The following ALK variants were observed in gnomAD, a reference collection of about 807,000 sequenced individuals.
The protein encoded by ALK is ALK tyrosine kinase receptor.
A neutral mutation model predicts 163.1 loss-of-function variants in ALK; 74 were observed. The ratio of observed to expected loss-of-function variants is 0.45; its 90% CI spans 0.38 to 0.55. The LOEUF is 0.55. Ranked by LOEUF, ALK falls within the 20% of genes least tolerant of loss-of-function variation. ALK has a pLI of 0.00. For synonymous variants in ALK, 960 were observed against 843.2 expected (o/e 1.14, Z -2.40); for missense variants, 2,063 against 2,105.3 (o/e 0.98, Z 0.39).
intron 3 of ALK, among the ~76,000 whole-genome samples, chr2:29,616,745 G>A (rs1675859593): frequency 6.6e-6 from 1 of 152,064 alleles, no homozygotes; most frequent in Non-Finnish European, 1.5e-5. Flanking sequence ...CAGAGGACTG[G>A]CCTTATAAAC....
chr2:29,677,925 T>C (rs558480463), intron 3 of ALK, among the ~76,000 whole-genome samples: 3 of 152,210 alleles, frequency 2.0e-5, no homozygotes, highest in South Asian at 2.1e-4. Context: ...GACTTTTCTT[T>C]TGGGGTAGAT....
chr2:29,805,326 A>G (rs1664580019), intron 1 of ALK, among the ~76,000 whole-genome samples: 1 of 152,170 alleles, frequency 6.6e-6, no homozygotes, highest in African/African-American at 2.4e-5. Context: ...GTTCTTGGAT[A>G]CATGTGCAGG....
At chr2:29,405,957 G>T (rs189493861) in intron 4 of ALK, among the ~76,000 whole-genome samples, 1 of 151,970 alleles carries the variant, frequency 6.6e-6, no homozygotes, top group East Asian at 1.9e-4. Context: ...TTCCTCTTTC[G>T]GTTTCTGAGT....
intron 4 of ALK, among the ~76,000 whole-genome samples, chr2:29,459,342 A>G (rs1385132668): frequency 6.6e-6 from 1 of 152,154 alleles, no homozygotes. Context: ...TCTAAACTTC[A>G]GGCAGGAATA....
intron 1 of ALK, among the ~76,000 whole-genome samples, chr2:29,896,067 G>A (rs1242336115): frequency 2.0e-5 from 3 of 152,200 alleles, no homozygotes; most frequent in Admixed American, 6.5e-5. Flanking sequence ...GTATGGTAGT[G>A]TGGGTGCAGG....
At chr2:29,633,517 G>T (rs1676440210) in intron 3 of ALK, among the ~76,000 whole-genome samples, 1 of 151,352 alleles carries the variant, frequency 6.6e-6, no homozygotes, top group East Asian at 2.0e-4. Context: ...CAAAAAACTA[G>T]AAAAAGAAGA....
rs1667955036 is a variant in ALK, at chr2:29,920,265, A to C, written c.395T>G (p.Val132Gly). 1 of 1,599,014 alleles carries C rather than the reference A, an allele frequency of 6.3e-7. No homozygotes were observed. The highest frequency in any genetic ancestry group is 2.3e-5 in the East Asian group (1 of 44,222). ...TLSRVLKGGS[V>G]RKLRRAKQLV... ...CTGCTTGGCACGCCGGAGCTTGCGC[A>C]CGGAGCCGCCCTTCAGCACCCTGGA... is the stretch of plus-strand genomic sequence containing the variant. Residue 132 changes from valine to glycine, a missense_variant, in exon 1 of 29, where the codon GTG becomes GGG. Physicochemically the swap from Val to Gly is moderately radical, Grantham distance 109 (BLOSUM62 -3). Around this residue, in one of 5 missense-constraint regions of ALK, gnomAD observed 987 missense variants for 939.5 expected, o/e 1.05. Transcript: ENST00000389048.
chr2:29,369,115 C>T (rs1037872799), intron 5 of ALK, among the ~76,000 whole-genome samples: 3 of 152,172 alleles, frequency 2.0e-5, no homozygotes, highest in African/African-American at 7.2e-5. Context: ...TTGACACTCA[C>T]AGGAAAATGC....
At chr2:29,652,986 A>C (rs1677077387) in intron 3 of ALK, among the ~76,000 whole-genome samples, 1 of 152,182 alleles carries the variant, frequency 6.6e-6, no homozygotes, top group Admixed American at 6.5e-5. Context: ...CCCCAACTTG[A>C]AGCTGGTCAG....
intron 1 of ALK, among the ~76,000 whole-genome samples, chr2:29,806,806 T>A (rs908240864): frequency 6.6e-6 from 1 of 152,058 alleles, no homozygotes; most frequent in Non-Finnish European, 1.5e-5. Context: ...CATTTCTGGG[T>A]GGCAAAGACA....
intron 3 of ALK, among the ~76,000 whole-genome samples, chr2:29,578,743 T>G (rs905467346): frequency 3.3e-5 from 5 of 152,196 alleles, no homozygotes; most frequent in Non-Finnish European, 7.3e-5. Flanking sequence ...CAGAGATGGT[T>G]GATTTCATGT....
intron 3 of ALK, among the ~76,000 whole-genome samples, chr2:29,598,370 T>TTTGC (rs1158239275): frequency 7.0e-6 from 1 of 143,468 alleles, no homozygotes; most frequent in Non-Finnish European, 1.5e-5. Flanking sequence ...TTGTTTTTTG[T>TTTGC]TTGTTTGTTT....
At chr2:29,498,059 A>C (rs1441975323) in intron 4 of ALK, among the ~76,000 whole-genome samples, 2 of 152,120 alleles carry the variant, frequency 1.3e-5, no homozygotes, top group Non-Finnish European at 2.9e-5. Context: ...CCCCACTCTC[A>C]TTTGGCCAAA....
At chr2:29,617,405 T>C (rs1055367135) in intron 3 of ALK, among the ~76,000 whole-genome samples, 1 of 152,220 alleles carries the variant, frequency 6.6e-6, no homozygotes, top group Non-Finnish European at 1.5e-5. Flanking sequence ...TCTGATCATC[T>C]GTAGGCCCTC....
chr2:29,920,764 C>T lies in ALK; in HGVS notation c.-105G>A. The T allele has an allele frequency of 9.7e-7, 1 of 1,032,700 alleles. No homozygotes were observed. Among genetic ancestry groups the T allele is most frequent in the Non-Finnish European group, 1.4e-6 (1 of 706,484 alleles). The allele number at this position is 1,032,700 out of a possible 1,614,324, so 64.0% of individuals were successfully genotyped here. On this transcript the variant is annotated 5_prime_UTR_variant, in exon 1 of 29. Coordinates refer to ENST00000389048, the MANE Select transcript of ALK (RefSeq NM_004304.5). ...AACAGTCCTTGGTACCCAGCGGCTC[C>T]TTCCACCTGATCTCCAGAGGACTGT...
intron 22 of ALK, chr2:29,221,341 A>G: frequency 1.8e-5 from 8 of 447,066 alleles, no homozygotes; most frequent in South Asian, 1.5e-4. Flanking sequence ...GGAGGGACCA[A>G]GACTTGGGTT....
At chr2:29,732,971 C>T (rs1433789838) in intron 1 of ALK, among the ~76,000 whole-genome samples, 1 of 151,630 alleles carries the variant, frequency 6.6e-6, no homozygotes, top group East Asian at 1.9e-4. Flanking sequence ...GAGTTTCTGA[C>T]CTTCATGAAT....
At chr2:29,586,348 A>G (rs1036335109) in intron 3 of ALK, among the ~76,000 whole-genome samples, 2 of 151,824 alleles carry the variant, frequency 1.3e-5, no homozygotes, top group African/African-American at 4.8e-5. Context: ...AAGTTTTTTA[A>G]CTATAGGATT....
intron 1 of ALK, among the ~76,000 whole-genome samples, chr2:29,874,161 C>T (rs1666645624): frequency 6.6e-6 from 1 of 152,154 alleles, no homozygotes; most frequent in African/African-American, 2.4e-5. Context: ...TACAGAAGCA[C>T]TTGTTGGTAT....
Sources: gnomAD v4.1 joint callset for allele counts (sites outside exome capture counted in the v4.1 genomes callset) on GRCh38, gnomAD v4.1.1 for gene constraint, gnomAD v4.1.1 regional missense constraint, MANE v1.5 for transcripts, NCBI Gene and HGNC (gene_info 2026-07-23, HGNC 2026-07-21) for gene names.